Variants in GPC5 observed in about 807,000 individuals in gnomAD.
GPC5 encodes glypican 5, also known as glypican-5.
In GPC5, 47 loss-of-function variants were observed where a neutral mutation model predicts 53.9. The observed-to-expected ratio is 0.87, with a 90% CI of 0.69 to 1.11. The LOEUF is 1.11. Among genes scored for constraint, GPC5 ranks in the 50% most tolerant of loss-of-function variants. The probability of loss-of-function intolerance (pLI) is 0.00; values close to 1 mark genes in which losing one functional copy is unlikely to be tolerated. For synonymous variants in GPC5, 286 were observed against 263.3 expected (o/e 1.09, Z -0.84); for missense variants, 748 against 713.1 (o/e 1.05, Z -0.56).
intron 6 of GPC5, among the ~76,000 whole-genome samples, chr13:91,918,817 T>A (rs750853313): frequency 6.6e-6 from 1 of 152,178 alleles, no homozygotes; most frequent in African/African-American, 2.4e-5. Context: ...CATGTATCTC[T>A]TTATTTCCTT....
chr13:92,664,663 A>T (rs1886511455), intron 7 of GPC5, among the ~76,000 whole-genome samples: 2 of 152,210 alleles, frequency 1.3e-5, no homozygotes, highest in Non-Finnish European at 2.9e-5. Context: ...ATTAACAAAA[A>T]ATTTAGCTGT....
chr13:92,161,016 G>A lies in GPC5; in HGVS notation c.1561+16027G>A, dbSNP rs1169539892. Among the ~76,000 whole-genome samples the A allele has an allele frequency of 2.8e-5, 4 of 143,458 alleles. No homozygotes were observed. The Admixed American group carries it at 2.9e-4, about 11-fold the overall frequency. The allele number at this position is 143,458 out of a possible 152,430, so 94.1% of individuals were successfully genotyped here. ...GCACCCAGCACCAAAACCTTTATTA[G>A]TTTCTGTGGCTCGCTCAAAAGTGTT... is the stretch of plus-strand genomic sequence containing the variant. On this transcript the variant is annotated intron_variant, in intron 7 of 7. Coordinates refer to ENST00000377067, the MANE Select transcript of GPC5 (RefSeq NM_004466.6).
chr13:92,508,421 A>G (rs1021558438), intron 7 of GPC5, among the ~76,000 whole-genome samples: 1 of 152,182 alleles, frequency 6.6e-6, no homozygotes, highest in African/African-American at 2.4e-5. Context: ...CATATACAGA[A>G]CTTTTAATAC....
chr13:92,441,555 G>A (rs1239174372), intron 7 of GPC5, among the ~76,000 whole-genome samples: 1 of 152,002 alleles, frequency 6.6e-6, no homozygotes, highest in Admixed American at 6.6e-5. Context: ...TGAACCTGAG[G>A]GCCAAATCAA....
intron 7 of GPC5, among the ~76,000 whole-genome samples, chr13:92,296,694 G>A (rs920726152): frequency 6.6e-5 from 10 of 152,312 alleles, no homozygotes; most frequent in African/African-American, 1.4e-4. Flanking sequence ...CCGGGGCTGC[G>A]TGCGGCGCTT....
chr13:91,626,353 G>A (rs2034000687), intron 2 of GPC5, among the ~76,000 whole-genome samples: 2 of 152,150 alleles, frequency 1.3e-5, no homozygotes, highest in African/African-American at 4.8e-5. Context: ...GCTCAGGCAT[G>A]TACTGACCAT....
At chr13:91,984,678 T>G (rs1308064166) in intron 6 of GPC5, among the ~76,000 whole-genome samples, 1 of 152,242 alleles carries the variant, frequency 6.6e-6, no homozygotes, top group African/African-American at 2.4e-5. Flanking sequence ...AATGTGTACC[T>G]TAGTAATTTC....
At chr13:91,504,979 A>G (rs371717819) in intron 2 of GPC5, among the ~76,000 whole-genome samples, 1 of 152,188 alleles carries the variant, frequency 6.6e-6, no homozygotes, top group South Asian at 2.1e-4. Flanking sequence ...GCAAACAACC[A>G]AACAGAAAAC....
At chr13:92,035,932 T>C (rs1414967202) in intron 6 of GPC5, among the ~76,000 whole-genome samples, 1 of 152,168 alleles carries the variant, frequency 6.6e-6, no homozygotes, top group Non-Finnish European at 1.5e-5. Flanking sequence ...TTTATCACCT[T>C]TTCCACAAAA....
intron 6 of GPC5, among the ~76,000 whole-genome samples, chr13:91,965,466 CCAT>C (rs1294787991): frequency 6.6e-6 from 1 of 152,100 alleles, no homozygotes; most frequent in South Asian, 2.1e-4. Flanking sequence ...TCTTCTTACA[CCAT>C]CATTTACCCA....
intron 5 of GPC5, among the ~76,000 whole-genome samples, chr13:91,811,639 G>T (rs929505726): frequency 2.1e-5 from 2 of 93,208 alleles, no homozygotes; most frequent in Non-Finnish European, 4.5e-5. Flanking sequence ...TTTATATTTA[G>T]AGTATTTTTT....
chr13:91,944,190 G>A (rs921348925), intron 6 of GPC5, among the ~76,000 whole-genome samples: 1 of 151,854 alleles, frequency 6.6e-6, no homozygotes, highest in African/African-American at 2.4e-5. Context: ...CCGCCTCCTG[G>A]GTTCACGTCA....
intron 4 of GPC5, among the ~76,000 whole-genome samples, chr13:91,751,240 C>T (rs1027944997): frequency 3.3e-5 from 5 of 152,170 alleles, no homozygotes; most frequent in Non-Finnish European, 7.3e-5. Context: ...TTATTTTAGC[C>T]TCAGAAAATT....
intron 6 of GPC5, among the ~76,000 whole-genome samples, chr13:91,975,514 G>GA (rs1425872630): frequency 6.6e-6 from 1 of 152,138 alleles, no homozygotes; most frequent in Non-Finnish European, 1.5e-5. Context: ...AAACACACAT[G>GA]AAAAAATGCT....
chr13:91,598,718 G>A (rs2033079603), intron 2 of GPC5, among the ~76,000 whole-genome samples: 1 of 151,986 alleles, frequency 6.6e-6, no homozygotes, highest in South Asian at 2.1e-4. Flanking sequence ...GCAAAAACAA[G>A]TATATCATGT....
At chr13:91,678,787 A>C (rs919218134) in intron 2 of GPC5, among the ~76,000 whole-genome samples, 1 of 152,056 alleles carries the variant, frequency 6.6e-6, no homozygotes, top group Non-Finnish European at 1.5e-5. Context: ...TTTAAAGGAA[A>C]AGATTGAGGT....
chr13:92,727,975 T>A (rs9561130), intron 7 of GPC5, among the ~76,000 whole-genome samples: 8,149 of 151,476 alleles, frequency 0.054, 613 homozygotes, highest in East Asian at 0.33. Context: ...TATAAAAAAA[T>A]CTCTCCATGT....
intron 2 of GPC5, among the ~76,000 whole-genome samples, chr13:91,517,764 G>A (rs868548375): frequency 3.4e-4 from 52 of 152,174 alleles, no homozygotes; most frequent in African/African-American, 1.2e-3. Flanking sequence ...CCCCATGGGT[G>A]GGGAGGTCCC....
At chr13:91,986,345 G>A (rs940342142) in intron 6 of GPC5, among the ~76,000 whole-genome samples, 2 of 151,878 alleles carry the variant, frequency 1.3e-5, no homozygotes, top group East Asian at 3.9e-4. Context: ...GATTACAGGC[G>A]TCAGCCACCA....
Sources: gnomAD v4.1 joint callset for allele counts (sites outside exome capture counted in the v4.1 genomes callset) on GRCh38, gnomAD v4.1.1 for gene constraint, MANE v1.5 for transcripts, NCBI Gene and HGNC (gene_info 2026-07-23, HGNC 2026-07-21) for gene names.